The following STOX2 variants were observed in gnomAD, a reference collection of about 807,000 sequenced individuals.
STOX2 encodes storkhead-box protein 2.
STOX2 carries 28 observed loss-of-function variants against 60.9 expected under a neutral mutation model. The ratio of observed to expected loss-of-function variants is 0.46; its 90% CI spans 0.34 to 0.63. STOX2 has a LOEUF of 0.63. STOX2 is among the 30% of genes least tolerant of loss of function. The pLI, the probability that STOX2 is intolerant of heterozygous loss-of-function variation, is 0.01. For synonymous variants in STOX2, 472 were observed against 463.9 expected, an observed-to-expected ratio of 1.02 and a Z score of -0.22; for missense variants, 1,024 against 1,187.7, an observed-to-expected ratio of 0.86 and a Z score of 2.03.
rs1740278037 is a variant in STOX2, at chr4:183,856,006, G to A, written c.364+57951G>A. On this transcript the variant is annotated intron_variant, in intron 1 of 2. Transcript: ENST00000513034. The surrounding 1 kb of genome is among the most constrained non-coding windows in gnomAD (Gnocchi z 4.0). ...AGGAGTAGGGCAAGCTTTGCTGAAG[G>A]TGGCAGCTGCCCTGGCCTGTCTCCT... Among the ~76,000 whole-genome samples, 2 of 152,202 alleles carry A rather than the reference G, an allele frequency of 1.3e-5. No homozygotes were observed. Among genetic ancestry groups the A allele is most frequent in the African/African-American group, 4.8e-5 (2 of 41,460 alleles).
At chr4:184,006,424 C>T (rs866480107) in intron 2 of STOX2, among the ~76,000 whole-genome samples, 4 of 151,940 alleles carry the variant, frequency 2.6e-5, no homozygotes, top group Non-Finnish European at 4.4e-5. Flanking sequence ...AGGTATATTC[C>T]GTGTCAGTGG....
chr4:184,004,472 C>T (rs973654464), intron 2 of STOX2, among the ~76,000 whole-genome samples: 4 of 152,170 alleles, frequency 2.6e-5, no homozygotes, highest in Admixed American at 6.5e-5. Context: ...TGGTGGCGGG[C>T]GCCTGTAGTC....
chr4:183,955,657 C>T (rs527710668), intron 1 of STOX2, among the ~76,000 whole-genome samples: 2 of 152,256 alleles, frequency 1.3e-5, no homozygotes, highest in East Asian at 1.9e-4. Flanking sequence ...ATTTATTTCC[C>T]GATTTTGCTG....
intron 2 of STOX2, among the ~76,000 whole-genome samples, chr4:184,008,232 G>A (rs1435296677): frequency 6.6e-6 from 1 of 152,230 alleles, no homozygotes. Context: ...AAGAAATGAA[G>A]TAAATGGGCT....
At chr4:183,924,933 C>T (rs529553094) in intron 1 of STOX2, among the ~76,000 whole-genome samples, 5 of 152,088 alleles carry the variant, frequency 3.3e-5, no homozygotes, top group East Asian at 3.9e-4. Flanking sequence ...CTGCTGAGGC[C>T]GGATACCGTG....
At chr4:183,847,036 A>T (rs940101266) in intron 1 of STOX2, among the ~76,000 whole-genome samples, 1 of 152,220 alleles carries the variant, frequency 6.6e-6, no homozygotes, top group Non-Finnish European at 1.5e-5. Context: ...TAGCAATTTG[A>T]CAAAGATTCC....
At chr4:183,833,226 G>A (rs1418533751) in intron 1 of STOX2, among the ~76,000 whole-genome samples, 1 of 152,170 alleles carries the variant, frequency 6.6e-6, no homozygotes, top group Non-Finnish European at 1.5e-5. Context: ...TTTTGTAGGA[G>A]CGTTTGTGCT....
intron 1 of STOX2, among the ~76,000 whole-genome samples, chr4:183,952,015 A>G (rs1486444962): frequency 1.3e-5 from 2 of 152,178 alleles, no homozygotes; most frequent in Non-Finnish European, 2.9e-5. Flanking sequence ...AGCCTTTTGT[A>G]GTTTCCCCAC....
chr4:183,858,547 G>A (rs1579342630), intron 1 of STOX2, among the ~76,000 whole-genome samples: 1 of 152,244 alleles, frequency 6.6e-6, no homozygotes, highest in East Asian at 1.9e-4. Flanking sequence ...AGTTACCCAA[G>A]TGGTTCATGT....
intron 3 of STOX2, among the ~76,000 whole-genome samples, chr4:184,013,158 G>A (rs1279352437): frequency 6.6e-6 from 1 of 152,230 alleles, no homozygotes; most frequent in African/African-American, 2.4e-5. Flanking sequence ...GTACTAAAGA[G>A]ATAGTTGCTA....
intron 1 of STOX2, among the ~76,000 whole-genome samples, chr4:183,975,976 C>G (rs1297924845): frequency 6.6e-6 from 1 of 152,116 alleles, no homozygotes; most frequent in Non-Finnish European, 1.5e-5. Flanking sequence ...CAAGTCATGA[C>G]CGAGTGGATT....
intron 1 of STOX2, among the ~76,000 whole-genome samples, chr4:183,800,912 G>C (rs1361175722): frequency 6.6e-6 from 1 of 152,204 alleles, no homozygotes; most frequent in Non-Finnish European, 1.5e-5. Context: ...GCTCACAGGC[G>C]GGGCGAGACA....
At chr4:183,966,132 C>T (rs1416983883) in intron 1 of STOX2, among the ~76,000 whole-genome samples, 2 of 151,750 alleles carry the variant, frequency 1.3e-5, no homozygotes, top group Non-Finnish European at 2.9e-5. Context: ...AGTTTTGGGA[C>T]CAGGGAGGGA....
At chr4:183,922,516 T>G (rs1008018073) in intron 1 of STOX2, among the ~76,000 whole-genome samples, 4 of 152,054 alleles carry the variant, frequency 2.6e-5, no homozygotes, top group Non-Finnish European at 4.4e-5. Context: ...CGGCTAATTT[T>G]TGTATTTTTA....
intron 1 of STOX2, among the ~76,000 whole-genome samples, chr4:183,799,729 A>G (rs1378185470): frequency 1.3e-5 from 2 of 151,852 alleles, no homozygotes; most frequent in East Asian, 3.9e-4. Context: ...CAGTATGCTC[A>G]TGTATTTTTT....
chr4:183,884,084 C>A (rs529775945), intron 1 of STOX2, among the ~76,000 whole-genome samples: 2 of 151,880 alleles, frequency 1.3e-5, no homozygotes, highest in Non-Finnish European at 2.9e-5. Context: ...GAACTTCTGA[C>A]CTTAGGTGAT....
intron 1 of STOX2, among the ~76,000 whole-genome samples, chr4:183,834,067 C>T (rs1454658783): frequency 6.6e-6 from 1 of 151,240 alleles, no homozygotes; most frequent in Non-Finnish European, 1.5e-5. Context: ...GAGCCAGCCT[C>T]TTCTGGCAAG....
At chr4:183,873,879 A>G (rs1253955624) in intron 1 of STOX2, among the ~76,000 whole-genome samples, 1 of 152,178 alleles carries the variant, frequency 6.6e-6, no homozygotes, top group African/African-American at 2.4e-5. Context: ...CCAGGATTGT[A>G]ACTCCAGTGC....
chr4:183,921,558 C>T (rs550878734), intron 1 of STOX2, among the ~76,000 whole-genome samples: 2 of 152,252 alleles, frequency 1.3e-5, no homozygotes, highest in East Asian at 3.9e-4. Flanking sequence ...CCATGGCAAC[C>T]CAGTGAATGT....
Sources: gnomAD v4.1 joint callset for allele counts (sites outside exome capture counted in the v4.1 genomes callset) on GRCh38, gnomAD v4.1.1 for gene constraint, Gnocchi (gnomAD v3.1) non-coding constraint, MANE v1.5 for transcripts, NCBI Gene and HGNC (gene_info 2026-07-23, HGNC 2026-07-21) for gene names.